Variants in CYRIB observed in about 807,000 individuals in gnomAD.
The protein encoded by CYRIB is CYFIP-related Rac1 interactor B.
A neutral mutation model predicts 44.2 loss-of-function variants in CYRIB; 8 were observed. That is an observed-to-expected ratio of 0.18 (90% CI 0.11 to 0.33). The LOEUF is 0.33. Ranked by LOEUF, CYRIB falls within the 10% of genes least tolerant of loss-of-function variation. CYRIB has a pLI of 1.00. For synonymous variants in CYRIB, 131 were observed against 127.2 expected (o/e 1.03, Z -0.20); for missense variants, 185 against 382.8 (o/e 0.48, Z 4.31).
At chr8:129,853,461 G>C (rs1012781955) in intron 7 of CYRIB, among the ~76,000 whole-genome samples, 1 of 152,034 alleles carries the variant, frequency 6.6e-6, no homozygotes, top group African/African-American at 2.4e-5. Context: ...GATAGTCTTT[G>C]ATATATATAT....
chr8:129,990,377 T>C (rs1317253968), intron 1 of CYRIB, among the ~76,000 whole-genome samples: 1 of 152,170 alleles, frequency 6.6e-6, no homozygotes, highest in Admixed American at 6.5e-5. Flanking sequence ...TAATACATAA[T>C]AGGTGTTCAG....
chr8:129,951,287 G>A (rs972111829), intron 2 of CYRIB, among the ~76,000 whole-genome samples: 1 of 152,126 alleles, frequency 6.6e-6, no homozygotes, highest in Non-Finnish European at 1.5e-5. Flanking sequence ...CTGGGTGACA[G>A]AGCGAGACTC....
chr8:129,840,620 C>A (rs1252958005), exon 12 of CYRIB: 3 of 152,244 alleles, frequency 2.0e-5, no homozygotes, highest in Non-Finnish European at 4.4e-5. Context: ...AGAAGCTAAC[C>A]CTTCAAAGAT....
intron 6 of CYRIB, among the ~76,000 whole-genome samples, chr8:129,854,569 GTTAA>G (rs2045141863): frequency 6.6e-6 from 1 of 152,110 alleles, no homozygotes; most frequent in African/African-American, 2.4e-5. Context: ...TTTCTTTTCA[GTTAA>G]TTTCAGGTAA....
intron 1 of CYRIB, among the ~76,000 whole-genome samples, chr8:129,919,545 T>C (rs1054044339): frequency 2.6e-5 from 4 of 152,140 alleles, no homozygotes; most frequent in Non-Finnish European, 4.4e-5. Context: ...GTGGTTAAAC[T>C]GCTATGGGAA....
intron 6 of CYRIB, 44 bp downstream of exon 8, chr8:129,855,567 G>T: frequency 6.2e-7 from 1 of 1,601,632 alleles, no homozygotes; most frequent in East Asian, 2.2e-5. Context: ...CTCATTAAAA[G>T]ATTCATGATT....
At chr8:129,869,618 T>C (rs1264590896) in intron 4 of CYRIB, among the ~76,000 whole-genome samples, 1 of 152,162 alleles carries the variant, frequency 6.6e-6, no homozygotes, top group Non-Finnish European at 1.5e-5. Context: ...TTTTTCAAAA[T>C]ACGTTTAAAT....
chr8:129,913,407 T>C (rs2079076830), intron 1 of CYRIB, among the ~76,000 whole-genome samples: 1 of 152,248 alleles, frequency 6.6e-6, no homozygotes, highest in South Asian at 2.1e-4. Flanking sequence ...TTGCAATTAT[T>C]GATAGAAACA....
At chr8:129,858,623 C>A (rs183736884) in intron 5 of CYRIB, among the ~76,000 whole-genome samples, 7 of 152,148 alleles carry the variant, frequency 4.6e-5, no homozygotes, top group African/African-American at 1.7e-4. Flanking sequence ...TTAAGACAAC[C>A]AAGAGTCATG....
At chr8:129,859,774 AATG>A (rs998751236) in intron 5 of CYRIB, among the ~76,000 whole-genome samples, 11 of 152,366 alleles carry the variant, frequency 7.2e-5, no homozygotes, top group African/African-American at 2.6e-4. Flanking sequence ...TGTACCAATT[AATG>A]ATTAATGATA....
At chr8:129,916,381 G>C (rs2080783787) in intron 1 of CYRIB, among the ~76,000 whole-genome samples, 1 of 151,428 alleles carries the variant, frequency 6.6e-6, no homozygotes, top group Admixed American at 6.6e-5. Context: ...CACTATAAGA[G>C]ACACTAATTT....
intron 2 of CYRIB, among the ~76,000 whole-genome samples, chr8:129,894,011 A>G (rs376853501): frequency 6.6e-6 from 1 of 152,336 alleles, no homozygotes; most frequent in South Asian, 2.1e-4. Flanking sequence ...AAAATTATTA[A>G]TATGTTCATT....
chr8:129,914,090 C>G (rs2079485798), intron 1 of CYRIB, among the ~76,000 whole-genome samples: 1 of 152,196 alleles, frequency 6.6e-6, no homozygotes, highest in Non-Finnish European at 1.5e-5. Context: ...GTACAGGCTG[C>G]AGAGCAGTAG....
intron 2 of CYRIB, among the ~76,000 whole-genome samples, chr8:129,958,558 A>C (rs2095021502): frequency 6.6e-6 from 1 of 152,090 alleles, no homozygotes; most frequent in South Asian, 2.1e-4. Flanking sequence ...CATAATAGCT[A>C]CTCTATTACT....
intron 11 of CYRIB, among the ~76,000 whole-genome samples, chr8:129,845,463 T>G (rs2131095299): frequency 6.6e-6 from 1 of 152,288 alleles, no homozygotes; most frequent in Middle Eastern, 3.4e-3. Context: ...AATACAGAAT[T>G]CTAAAAACTA....
intron 2 of CYRIB, 86 bp from the exon 5 acceptor site, chr8:129,879,557 G>C (rs1475412696): frequency 1.0e-5 from 10 of 991,740 alleles, no homozygotes; most frequent in Non-Finnish European, 1.5e-5. Context: ...TAGTAACAGG[G>C]AAAATGTTCA....
At chr8:130,001,499 A>T (rs565065779) in intron 1 of CYRIB, among the ~76,000 whole-genome samples, 1 of 146,832 alleles carries the variant, frequency 6.8e-6, no homozygotes, top group East Asian at 2.0e-4. Flanking sequence ...GCTCTCATTC[A>T]TCTTACCTTT....
rs78618459 is a variant in CYRIB at position 129,886,140 on chromosome 8, T to C, written c.-10-6669A>G. On this transcript the variant is annotated intron_variant, in intron 2 of 11. Coordinates refer to ENST00000519824, the Ensembl canonical transcript of CYRIB. ...AGCAAGACTTGTCAAATGAACTGTC[T>C]GTAGCTGTTTCTTTCCACCTTTCAA... Among the ~76,000 whole-genome samples, 581 of 152,356 alleles carry C rather than the reference T, an allele frequency of 3.8e-3. 4 individuals carry two copies. Among genetic ancestry groups the C allele is most frequent in the Non-Finnish European group, 6.4e-3 (437 of 68,040 alleles).
chr8:130,006,616 G>GTATATATATATACACATATATA (rs1354562582), intron 1 of CYRIB, among the ~76,000 whole-genome samples: 380 of 3,174 alleles, frequency 0.12, no homozygotes, highest in Middle Eastern at 0.5. Flanking sequence ...ACATATATAT[G>GTATATATATATACACATATATA]TGTATATATA....
Sources: gnomAD v4.1 joint callset for allele counts (sites outside exome capture counted in the v4.1 genomes callset) on GRCh38, gnomAD v4.1.1 for gene constraint, MANE v1.5 for transcripts, NCBI Gene and HGNC (gene_info 2026-07-23, HGNC 2026-07-21) for gene names.